The following KNDC1 variants were observed in gnomAD, a reference collection of about 807,000 sequenced individuals.
The protein encoded by KNDC1 is kinase non-catalytic C-lobe domain-containing protein 1.
KNDC1 carries 106 observed loss-of-function variants against 172.8 expected under a neutral mutation model. The observed-to-expected ratio is 0.61, with a 90% CI of 0.52 to 0.72. KNDC1 has a LOEUF of 0.72. Ranked by LOEUF, KNDC1 falls within the 30% of genes least tolerant of loss-of-function variation. KNDC1 has a pLI of 0.00. For missense variants in KNDC1, 2,325 were observed against 2,394.5 expected, an observed-to-expected ratio of 0.97 and a Z score of 0.61; for synonymous variants, 1,083 against 1,062.2, an observed-to-expected ratio of 1.02 and a Z score of -0.38.
intron 12 of KNDC1, among the ~76,000 whole-genome samples, chr10:133,197,981 G>C (rs902624547): frequency 2.6e-5 from 4 of 152,118 alleles, no homozygotes; most frequent in Admixed American, 2.6e-4. Flanking sequence ...CCCAGCTCCA[G>C]GTTCTCACTC....
At chr10:133,167,066 G>T (rs1008672523) in intron 1 of KNDC1, 14 of 432,676 alleles carry the variant, frequency 3.2e-5, no homozygotes, top group African/African-American at 2.8e-4. Context: ...CGGGGTCGGG[G>T]TGCTCCACGG....
chr10:133,215,382 C>A (rs1341307077), intron 26 of KNDC1, among the ~76,000 whole-genome samples: 5 of 152,322 alleles, frequency 3.3e-5, no homozygotes, highest in Middle Eastern at 3.4e-3. Flanking sequence ...TCCAAGCCCG[C>A]AGGCAACCCC....
chr10:133,183,700 C>T (rs1853793533), intron 4 of KNDC1, among the ~76,000 whole-genome samples, 172 bp from the exon 5 acceptor site: 1 of 152,230 alleles, frequency 6.6e-6, no homozygotes, highest in African/African-American at 2.4e-5. Context: ...TCCTGGTTCT[C>T]TGCAACCCAG....
rs185051043 is a variant in KNDC1, at chr10:133,165,558, C to G, written c.103-1823C>G. Among the ~76,000 whole-genome samples, 403 of 152,352 alleles carry G rather than the reference C, an allele frequency of 2.6e-3. 2 individuals are homozygous for G. The highest frequency in any genetic ancestry group is 9.3e-3 in the African/African-American group (385 of 41,580). On this transcript the variant is annotated intron_variant, in intron 1 of 29. Transcript: ENST00000304613. ...CAGCACAACCTACGGGGTCCTCAGACTGACTTACCGCTTGGTGCACGTCTG... is the reference window on the plus strand; with the variant it reads ...CAGCACAACCTACGGGGTCCTCAGAGTGACTTACCGCTTGGTGCACGTCTG...
chr10:133,189,869 A>G, intron 9 of KNDC1, 56 bp downstream of exon 9: 3 of 1,323,376 alleles, frequency 2.3e-6, no homozygotes, highest in Non-Finnish European at 3.1e-6. Context: ...CGGGGATGCC[A>G]CGTCCCCCAT....
rs1419397709 is a variant in KNDC1, at chr10:133,201,622, G to C, written c.3111G>C (p.Gln1037His). 1.2e-6 allele frequency: 2 copies of C among 1,613,024 alleles called. No homozygotes were observed. Among genetic ancestry groups the C allele is most frequent in the East Asian group, 2.2e-5 (1 of 44,898 alleles). The change falls in exon 17 of 30, where the codon CAG (glutamine) becomes CAC (histidine). Residue 1037 changes from glutamine (Q) to histidine (H), a missense_variant. Physicochemically the swap from Gln to His is conservative, Grantham distance 24. Coordinates refer to ENST00000304613, the MANE Select transcript of KNDC1 (RefSeq NM_152643.8). ...ACTTCGAGGTGGGGTTTCGGCCTCA[G>C]AGGTCCGTAAAAGCCGAGAGAGCGC... ...RGNFEVGFRP[Q>H]RSVKAERAQQ...
In KNDC1 at chr10:133,163,784, G is replaced by A. The variant is rs1402045584; in HGVS notation, c.102+3215G>A. Among the ~76,000 whole-genome samples, 22 of 152,180 alleles carry A rather than the reference G, an allele frequency of 1.4e-4. No homozygotes were observed. Among genetic ancestry groups the A allele is most frequent in the Non-Finnish European group, 2.8e-4 (19 of 68,022 alleles). The stretch of plus-strand genomic sequence containing the variant: ...GACCTGCCATGAGATAAGGGTCCTC[G>A]GTGGGAAGCGTGCCCTGCCCTCTGA... On this transcript the variant is annotated intron_variant, in intron 1 of 29. Coordinates refer to ENST00000304613, the MANE Select transcript of KNDC1 (RefSeq NM_152643.8). This position sits in a 1 kb window ranked among gnomAD's most constrained non-coding sequence, Gnocchi z 4.4.
In KNDC1 at chr10:133,212,917, C is replaced by T; in HGVS notation, c.4438C>T (p.Gln1480Ter). The change falls in exon 24 of 30, where the codon CAG (glutamine) becomes TAG (stop). Residue 1480 changes from glutamine (Q) to a stop codon, truncating the protein, a stop_gained. Coordinates refer to ENST00000304613, the MANE Select transcript of KNDC1 (RefSeq NM_152643.8). LOFTEE classifies it high-confidence loss of function. Reference protein sequence around the residue: ...HQLFSQLTLLQQELFQKCHPV... With the variant: ...HQLFSQLTLL ...GCTCTTCAGCCAGCTCACGCTGCTA[C>T]AGCAGGTGAGGAGGGCGAGGATCTG... 1 of 1,610,758 alleles carries T rather than the reference C, an allele frequency of 6.2e-7. No individual in the cohort carries two copies. The highest frequency in any genetic ancestry group is 1.1e-5 in the South Asian group (1 of 90,966).
At chr10:133,184,323 C>T (rs112778082) in intron 5 of KNDC1, among the ~76,000 whole-genome samples, 1 of 147,248 alleles carries the variant, frequency 6.8e-6, no homozygotes, top group African/African-American at 2.5e-5. Flanking sequence ...AACCCATGCA[C>T]ACACACCTAT....
At chr10:133,197,539 T>A (rs1011876561) in intron 11 of KNDC1, 136 bp from the exon 12 acceptor site, 1 of 727,906 alleles carries the variant, frequency 1.4e-6, no homozygotes, top group African/African-American at 1.8e-5. Flanking sequence ...GCTTGGGCCG[T>A]GTGGCCGCCA....
chr10:133,178,020 TGTG>T (rs1853602368), intron 3 of KNDC1, among the ~76,000 whole-genome samples: 3 of 148,628 alleles, frequency 2.0e-5, no homozygotes, highest in African/African-American at 7.5e-5. Flanking sequence ...TGTGCATGCA[TGTG>T]GTATGTGTCA....
At chr10:133,166,020 C>T (rs1192862947) in intron 1 of KNDC1, among the ~76,000 whole-genome samples, 2 of 152,218 alleles carry the variant, frequency 1.3e-5, no homozygotes, top group African/African-American at 4.8e-5. Context: ...CCCCACCGGG[C>T]GCCCATGCCC....
intron 3 of KNDC1, among the ~76,000 whole-genome samples, chr10:133,180,707 C>T (rs1853691488): frequency 6.6e-6 from 1 of 152,264 alleles, no homozygotes. Context: ...ACACACACAG[C>T]AAGCGTGTGT....
intron 5 of KNDC1, 23 bp downstream of exon 5, chr10:133,184,012 G>A (rs764064476): frequency 1.4e-5 from 19 of 1,369,834 alleles, no homozygotes; most frequent in South Asian, 1.2e-4. Flanking sequence ...ACCCACACAC[G>A]TGCATCCTCA....
intron 3 of KNDC1, chr10:133,178,797 G>C (rs1312342770): frequency 6.6e-6 from 1 of 152,216 alleles, no homozygotes; most frequent in African/African-American, 2.4e-5. Context: ...GTTCCTACCA[G>C]GGCCCACCGG....
At chr10:133,184,417 C>A (rs1234048940) in intron 5 of KNDC1, among the ~76,000 whole-genome samples, 1 of 43,378 alleles carries the variant, frequency 2.3e-5, no homozygotes, top group East Asian at 3.8e-4. Context: ...CACACCCACT[C>A]ACACATTCAG....
At chr10:133,179,574 G>A (rs1244501319) in intron 3 of KNDC1, among the ~76,000 whole-genome samples, 1 of 152,212 alleles carries the variant, frequency 6.6e-6, no homozygotes. Flanking sequence ...TCAGTTTGGA[G>A]AAAAACTTCA....
intron 3 of KNDC1, among the ~76,000 whole-genome samples, chr10:133,175,400 A>G (rs999846561): frequency 9.6e-5 from 4 of 41,826 alleles, no homozygotes; most frequent in Non-Finnish European, 1.4e-4. Flanking sequence ...TGGGTGGATG[A>G]ATGGGTGAGT....
chr10:133,166,821 G>C (rs1028832684), intron 1 of KNDC1, among the ~76,000 whole-genome samples: 1 of 152,074 alleles, frequency 6.6e-6, no homozygotes, highest in African/African-American at 2.4e-5. Flanking sequence ...GAGCCCACTC[G>C]GATTTGGAGG....
Sources: allele counts gnomAD v4.1 joint callset (sites outside exome capture counted in the v4.1 genomes callset), GRCh38; gene constraint gnomAD v4.1.1; non-coding constraint Gnocchi (gnomAD v3.1); transcripts MANE v1.5; gene names NCBI Gene and HGNC (gene_info 2026-07-23, HGNC 2026-07-21).